BRINP3: variants seen among roughly 807,000 people sequenced by gnomAD.
BRINP3 encodes the protein BMP/retinoic acid inducible neural specific 3.
BRINP3 carries 19 observed loss-of-function variants against 71.0 expected under a neutral mutation model. The ratio of observed to expected loss-of-function variants is 0.27; its 90% confidence interval spans 0.19 to 0.39. The LOEUF is 0.39. Ranked by LOEUF, BRINP3 falls within the 10% of genes least tolerant of loss-of-function variation. BRINP3 has a pLI of 1.00. For synonymous variants in BRINP3, 380 were observed against 337.7 expected (o/e 1.13, Z -1.37); for missense variants, 959 against 940.8 (o/e 1.02, Z -0.25).
At position 190,098,843 on chromosome 1, in the gene BRINP3, C is replaced by G; in HGVS notation, c.1476G>C (p.Leu492=). The stretch of plus-strand genomic sequence containing the variant: ...GCAGATATTTCATCTCGAGATCTTG[C>G]AGGTCAGTTTCAAAGCCAATATAGT... ...TDHYIGFETD[L]QDLEMKYLLQ... is the part of the protein sequence containing the mutation. Residue 492 remains leucine, a synonymous_variant, in exon 8 of 8, where the codon CTG becomes CTC. Coordinates refer to ENST00000367462, the MANE Select transcript of BRINP3 (RefSeq NM_199051.3). 6.2e-7 allele frequency: 1 copy of G among 1,614,198 alleles called. No homozygotes were observed. The highest frequency in any genetic ancestry group is 8.5e-7 in the Non-Finnish European group (1 of 1,180,036).
At chr1:190,325,489 A>C (rs1388011752) in intron 2 of BRINP3, among the ~76,000 whole-genome samples, 5 of 152,062 alleles carry the variant, frequency 3.3e-5, no homozygotes, top group Non-Finnish European at 7.4e-5. Context: ...AGGAGAAGTC[A>C]TCGGAAGTAG....
At chr1:190,279,056 A>G (rs1333201448) in intron 3 of BRINP3, among the ~76,000 whole-genome samples, 2 of 151,618 alleles carry the variant, frequency 1.3e-5, no homozygotes, top group Admixed American at 1.3e-4. Flanking sequence ...TTATCTGGAA[A>G]AATATATTTT....
intron 2 of BRINP3, among the ~76,000 whole-genome samples, chr1:190,401,606 G>C (rs914405581): frequency 5.3e-5 from 8 of 152,076 alleles, no homozygotes; most frequent in Admixed American, 3.3e-4. Flanking sequence ...TCTGAGTAAT[G>C]CCTGTGACAC....
chr1:190,245,717 A>AG (rs1210493120), intron 4 of BRINP3, among the ~76,000 whole-genome samples: 1 of 150,794 alleles, frequency 6.6e-6, no homozygotes, highest in Non-Finnish European at 1.5e-5. Flanking sequence ...CTCGTCATTT[A>AG]CATTAGGTAT....
chr1:190,273,323 T>C (rs1662276194), intron 3 of BRINP3, among the ~76,000 whole-genome samples: 1 of 151,576 alleles, frequency 6.6e-6, no homozygotes, highest in Admixed American at 6.6e-5. Context: ...CTCATAAGCA[T>C]GACATGGGTT....
At chr1:190,291,718 G>T (rs1663883186) in intron 2 of BRINP3, among the ~76,000 whole-genome samples, 1 of 152,096 alleles carries the variant, frequency 6.6e-6, no homozygotes, top group African/African-American at 2.4e-5. Context: ...AACGTAAATT[G>T]AAACAGCCAT....
chr1:190,195,583 T>C (rs927704212), intron 6 of BRINP3, among the ~76,000 whole-genome samples: 2 of 152,042 alleles, frequency 1.3e-5, no homozygotes, highest in Non-Finnish European at 2.9e-5. Flanking sequence ...TTTTCCTATG[T>C]ATTATACGTA....
chr1:190,288,894 T>C (rs548425006), intron 2 of BRINP3, among the ~76,000 whole-genome samples: 57 of 152,038 alleles, frequency 3.7e-4, no homozygotes, highest in African/African-American at 1.3e-3. Flanking sequence ...TAAAGATAGG[T>C]AAATGTGAAA....
At chr1:190,263,364 C>T (rs1275544367) in intron 4 of BRINP3, among the ~76,000 whole-genome samples, 5 of 152,108 alleles carry the variant, frequency 3.3e-5, no homozygotes, top group Admixed American at 6.6e-5. Flanking sequence ...CAGAAGCCAA[C>T]TAACTATATT....
At chr1:190,404,672 G>A (rs1398761338) in intron 2 of BRINP3, among the ~76,000 whole-genome samples, 2 of 152,196 alleles carry the variant, frequency 1.3e-5, no homozygotes, top group African/African-American at 2.4e-5. Flanking sequence ...TCAAAACCCT[G>A]TGAGTTTGCC....
chr1:190,211,788 T>C (rs1421108015), intron 6 of BRINP3, among the ~76,000 whole-genome samples: 1 of 152,106 alleles, frequency 6.6e-6, no homozygotes, highest in Non-Finnish European at 1.5e-5. Flanking sequence ...TCCATAGCCA[T>C]CTATGTCAGA....
At chr1:190,433,897 T>C (rs1409428868) in intron 2 of BRINP3, among the ~76,000 whole-genome samples, 1 of 152,166 alleles carries the variant, frequency 6.6e-6, no homozygotes, top group East Asian at 1.9e-4. Context: ...ATATGTGTTC[T>C]TGAGCATTTC....
At chr1:190,380,007 A>AG (rs1271811471) in intron 2 of BRINP3, among the ~76,000 whole-genome samples, 8 of 123,194 alleles carry the variant, frequency 6.5e-5, no homozygotes, top group African/African-American at 2.2e-4. Flanking sequence ...CAAAAAAAAA[A>AG]AAAAAGAAAA....
chr1:190,250,887 T>C (rs932354361), intron 4 of BRINP3, among the ~76,000 whole-genome samples: 1 of 151,918 alleles, frequency 6.6e-6, no homozygotes, highest in African/African-American at 2.4e-5. Context: ...TAAGTTTTAA[T>C]ACAGGATTCT....
At chr1:190,429,443 T>C (rs1673942999) in intron 2 of BRINP3, among the ~76,000 whole-genome samples, 1 of 152,170 alleles carries the variant, frequency 6.6e-6, no homozygotes, top group African/African-American at 2.4e-5. Flanking sequence ...TGAGTTGAGT[T>C]CCAAAATGAG....
At chr1:190,376,547 T>A (rs531537180) in intron 2 of BRINP3, among the ~76,000 whole-genome samples, 11 of 152,136 alleles carry the variant, frequency 7.2e-5, no homozygotes, top group African/African-American at 2.6e-4. Context: ...TCCAGGCAGG[T>A]ACTCAAAATT....
chr1:190,453,307 A>T (rs1571352305), intron 2 of BRINP3, among the ~76,000 whole-genome samples: 1 of 129,376 alleles, frequency 7.7e-6, no homozygotes, highest in South Asian at 2.4e-4. Context: ...TGCAAGCTCC[A>T]CCTCCCGAGT....
chr1:190,364,910 C>A (rs759584267), intron 2 of BRINP3, among the ~76,000 whole-genome samples: 17 of 151,950 alleles, frequency 1.1e-4, no homozygotes, highest in Non-Finnish European at 2.4e-4. Context: ...AATTAATTCG[C>A]CTCTGTATAG....
At chr1:190,159,836 C>T (rs141052648) in intron 7 of BRINP3, among the ~76,000 whole-genome samples, 4 of 151,806 alleles carry the variant, frequency 2.6e-5, no homozygotes, top group Non-Finnish European at 5.9e-5. Context: ...CAAACAAAAA[C>T]AATCCAATGT....
Sources: allele counts gnomAD v4.1 joint callset (sites outside exome capture counted in the v4.1 genomes callset), GRCh38; gene constraint gnomAD v4.1.1; transcripts MANE v1.5; gene names NCBI Gene and HGNC (gene_info 2026-07-23, HGNC 2026-07-21).